PDZRN3: variants seen among roughly 807,000 people sequenced by gnomAD.
The protein encoded by PDZRN3 is PDZ domain containing ring finger 3, also known as E3 ubiquitin-protein ligase PDZRN3.
In PDZRN3, 38 loss-of-function variants were observed where a neutral mutation model predicts 85.7. That is an observed-to-expected ratio of 0.44 (90% CI 0.34 to 0.58). PDZRN3 has a LOEUF of 0.58. PDZRN3 is among the 20% of genes least tolerant of loss of function. PDZRN3 has a pLI of 0.01. For synonymous variants in PDZRN3, 759 were observed against 638.0 expected (o/e 1.19, Z -2.86); for missense variants, 1,629 against 1,506.4 (o/e 1.08, Z -1.35).
At chr3:73,418,031 T>C (rs1702127119) in intron 3 of PDZRN3, among the ~76,000 whole-genome samples, 1 of 152,204 alleles carries the variant, frequency 6.6e-6, no homozygotes. Flanking sequence ...TTCTCAAAGA[T>C]TTATAAATGT....
In PDZRN3 at chr3:73,388,083, A is replaced by AT; in HGVS notation, c.1417-15_1417-14insA. The AT allele has an allele frequency of 2.9e-5, 26 of 908,164 alleles. No individual in the cohort carries two copies. Among genetic ancestry groups the AT allele is most frequent in the Non-Finnish European group, 3.6e-5 (21 of 588,924 alleles). The allele number at this position is 908,164 out of a possible 1,614,324, so 56.3% of individuals were successfully genotyped here. A position where few individuals can be genotyped will look rare whatever the true frequency, so the allele number is the denominator to read the frequency against. On this transcript the variant is annotated splice_polypyrimidine_tract_variant and intron_variant, in intron 7 of 9. Coordinates refer to ENST00000263666, the MANE Select transcript of PDZRN3 (RefSeq NM_015009.3). ...TATCCCATTAATCTTTTAAAAAAAAAGGGGGGGTGGGGAGAGTGGGGAGAC... is the reference window on the plus strand; with the variant it reads ...TATCCCATTAATCTTTTAAAAAAAAATGGGGGGGTGGGGAGAGTGGGGAGAC...
intron 3 of PDZRN3, chr3:73,561,366 G>T (rs533256210): frequency 6.6e-6 from 1 of 152,306 alleles, no homozygotes; most frequent in East Asian, 1.9e-4. Flanking sequence ...AGGGCAAGCT[G>T]CATTTTTGTC....
chr3:73,550,154 C>T (rs4461368), intron 3 of PDZRN3, among the ~76,000 whole-genome samples: 108,690 of 152,096 alleles, frequency 0.71, 39,307 homozygotes, highest in African/African-American at 0.83. Flanking sequence ...AAGATCTCCG[C>T]AGGCCAGTGG....
rs568514770 is a variant in PDZRN3, at chr3:73,386,925, T to C, written c.1518+1043A>G. On this transcript the variant is annotated intron_variant, in intron 8 of 9. Coordinates refer to ENST00000263666, the MANE Select transcript of PDZRN3 (RefSeq NM_015009.3). Reference sequence around the variant, plus strand: ...GTCCCCACCCAAATCTCACCTTGAATTGTAGCTCCCATAAGTCCTACGTGT... The same window carrying C: ...GTCCCCACCCAAATCTCACCTTGAACTGTAGCTCCCATAAGTCCTACGTGT... Among the ~76,000 whole-genome samples, 35 of 152,332 alleles carry C rather than the reference T, an allele frequency of 2.3e-4. No homozygotes were observed. In the South Asian group the frequency reaches 5.8e-3, roughly 25 times the overall value.
chr3:73,458,076 A>C (rs1468780545), intron 3 of PDZRN3, among the ~76,000 whole-genome samples: 1 of 152,204 alleles, frequency 6.6e-6, no homozygotes, highest in Non-Finnish European at 1.5e-5. Context: ...TTCTGTTACC[A>C]GTGGGGAAAA....
intron 1 of PDZRN3, among the ~76,000 whole-genome samples, chr3:73,611,294 T>C (rs539531997): frequency 6.6e-6 from 1 of 152,328 alleles, no homozygotes; most frequent in East Asian, 1.9e-4. Flanking sequence ...GGAACCAATC[T>C]GAGATGTGTG....
intron 3 of PDZRN3, among the ~76,000 whole-genome samples, chr3:73,502,530 A>T (rs891199614): frequency 2.0e-5 from 3 of 152,104 alleles, no homozygotes; most frequent in Admixed American, 6.5e-5. Flanking sequence ...TATCTTTCTG[A>T]GTTTTCTTTT....
chr3:73,384,218 G>A lies in PDZRN3; in HGVS notation c.2348C>T (p.Ala783Val), dbSNP rs3205537. 0.32 allele frequency: 520,665 copies of A among 1,613,320 alleles called. 87,700 individuals carry two copies. Among genetic ancestry groups the A allele is most frequent in the East Asian group, 0.49 (22,161 of 44,798 alleles). Residue 783 changes from alanine to valine, a missense_variant, in exon 10 of 10, where the codon GCG becomes GTG. By Grantham distance (64) the Ala-to-Val change is moderately conservative (BLOSUM62 0). Coordinates refer to ENST00000263666, the MANE Select transcript of PDZRN3 (RefSeq NM_015009.3). The part of the protein sequence containing the change: ...ISPDNSLRRA[A>V]EGISCPSSEG... ...GCTGCTCGGGCAGCTGATGCCCTCCGCCGCTCTCCTCAAGGAGTTGTCGGG... is the reference window on the plus strand; with the variant it reads ...GCTGCTCGGGCAGCTGATGCCCTCCACCGCTCTCCTCAAGGAGTTGTCGGG...
At chr3:73,426,939 A>G (rs1702327773) in intron 3 of PDZRN3, among the ~76,000 whole-genome samples, 1 of 152,194 alleles carries the variant, frequency 6.6e-6, no homozygotes, top group Non-Finnish European at 1.5e-5. Context: ...CTGCCACTCA[A>G]ATCAAGACCA....
At chr3:73,534,661 T>A (rs1482926061) in intron 3 of PDZRN3, among the ~76,000 whole-genome samples, 1 of 152,224 alleles carries the variant, frequency 6.6e-6, no homozygotes, top group African/African-American at 2.4e-5. Context: ...AGGTCTTGCC[T>A]CGGCAGTACT....
chr3:73,384,628 G>A lies in PDZRN3; in HGVS notation c.1938C>T (p.Phe646=), dbSNP rs377558165. The A allele has an allele frequency of 3.1e-6, 5 of 1,613,752 alleles. No individual in the cohort carries two copies. Among genetic ancestry groups the A allele is most frequent in the South Asian group, 2.2e-5 (2 of 91,080 alleles). The change falls in exon 10 of 10, where the codon TTC becomes TTT. Residue 646 remains phenylalanine (F), a synonymous_variant. Transcript: ENST00000263666. ...LGIPVDECER[F]RELLELKCQV... ...GGCACTTGAGCTCCAGGAGCTCGCG[G>A]AAGCGCTCGCACTCGTCCACCGGGA... is the stretch of plus-strand genomic sequence containing the variant.
At chr3:73,603,090 G>A (rs528833304) in intron 2 of PDZRN3, among the ~76,000 whole-genome samples, 3 of 152,338 alleles carry the variant, frequency 2.0e-5, no homozygotes, top group African/African-American at 7.2e-5. Flanking sequence ...ATTGCCAAAT[G>A]GCTTTTCAGA....
chr3:73,411,159 C>T lies in PDZRN3; in HGVS notation c.919-6764G>A, dbSNP rs191330858. 3.3e-5 allele frequency among the ~76,000 whole-genome samples: 5 copies of T among 152,268 alleles called. No individual in the cohort carries two copies. The East Asian group carries it at 5.8e-4, about 18-fold the overall frequency. Reference sequence around the variant, plus strand: ...TAAAAATAGTATCAAGGACAGTATCCTCTGCTTTGTCGAGAATGAAAAAAT... The same window carrying T: ...TAAAAATAGTATCAAGGACAGTATCTTCTGCTTTGTCGAGAATGAAAAAAT... On this transcript the variant is annotated intron_variant, in intron 3 of 9. Transcript: ENST00000263666.
At chr3:73,532,222 C>T (rs556754143) in intron 3 of PDZRN3, among the ~76,000 whole-genome samples, 5 of 152,062 alleles carry the variant, frequency 3.3e-5, no homozygotes, top group African/African-American at 9.6e-5. Context: ...AGGATGGTCT[C>T]GATCTCCTGA....
chr3:73,418,456 A>G (rs1182086138), intron 3 of PDZRN3, among the ~76,000 whole-genome samples: 1 of 152,238 alleles, frequency 6.6e-6, no homozygotes, highest in African/African-American at 2.4e-5. Context: ...TCTGGACCTC[A>G]ATTTCCTTAC....
chr3:73,433,776 G>T lies in PDZRN3; in HGVS notation c.919-29381C>A, dbSNP rs949602435. The T allele has an allele frequency of 3.9e-6, 6 of 1,529,896 alleles. No individual in the cohort carries two copies. The African/African-American group carries it at 6.9e-5, about 17-fold the overall frequency. The allele number at this position is 1,529,896 out of a possible 1,614,324, so 94.8% of individuals were successfully genotyped here. On this transcript the variant is annotated intron_variant, in intron 3 of 9. Coordinates refer to ENST00000263666, the MANE Select transcript of PDZRN3 (RefSeq NM_015009.3). ...CCGGGAAAAGCAGCTCCCTTACAGT[G>T]CAGGCATTGAAGGTATCCTTGGAGA...
intron 3 of PDZRN3, among the ~76,000 whole-genome samples, chr3:73,594,535 A>T (rs1022596183): frequency 1.3e-5 from 2 of 152,194 alleles, no homozygotes; most frequent in African/African-American, 4.8e-5. Flanking sequence ...CAAGCAGTAA[A>T]TACTCCTCCC....
chr3:73,477,356 A>T (rs1703477544), intron 3 of PDZRN3, among the ~76,000 whole-genome samples: 1 of 152,198 alleles, frequency 6.6e-6, no homozygotes, highest in Non-Finnish European at 1.5e-5. Context: ...TCTGGTTCCA[A>T]GATCCATCTT....
chr3:73,425,258 T>C (rs144998233), intron 3 of PDZRN3, among the ~76,000 whole-genome samples: 2,947 of 152,122 alleles, frequency 0.019, 95 homozygotes, highest in African/African-American at 0.067. Context: ...GACCTAGTGA[T>C]CCACCCGCCT....
Sources: gnomAD v4.1 joint callset for allele counts (sites outside exome capture counted in the v4.1 genomes callset) on GRCh38, gnomAD v4.1.1 for gene constraint, MANE v1.5 for transcripts, NCBI Gene and HGNC (gene_info 2026-07-23, HGNC 2026-07-21) for gene names.